Variants in GMDS observed in about 807,000 individuals in gnomAD.
The protein encoded by GMDS is GDP-mannose 4,6 dehydratase.
A neutral mutation model predicts 49.9 loss-of-function variants in GMDS; 20 were observed. The ratio of observed to expected loss-of-function variants is 0.40; its 90% CI spans 0.28 to 0.58. The LOEUF is 0.58. Ranked by LOEUF, GMDS falls within the 20% of genes least tolerant of loss-of-function variation. GMDS has a pLI of 0.42. For missense variants in GMDS, 362 were observed against 481.4 expected, an observed-to-expected ratio of 0.75 and a Z score of 2.32; for synonymous variants, 177 against 178.6, an observed-to-expected ratio of 0.99 and a Z score of 0.07.
At chr6:1,844,421 C>G (rs542406512) in intron 7 of GMDS, among the ~76,000 whole-genome samples, 1 of 152,196 alleles carries the variant, frequency 6.6e-6, no homozygotes, top group East Asian at 1.9e-4. Context: ...CTACCTCAAA[C>G]AGTTTTTACC....
intron 8 of GMDS, among the ~76,000 whole-genome samples, chr6:1,737,922 GATAC>G (rs377188711): frequency 2.4e-4 from 26 of 109,694 alleles, no homozygotes; most frequent in African/African-American, 6.2e-4. Flanking sequence ...ACCACACACA[GATAC>G]ATACACACCA....
intron 4 of GMDS, among the ~76,000 whole-genome samples, chr6:2,046,537 G>A (rs1420403970): frequency 2.0e-5 from 3 of 152,194 alleles, no homozygotes; most frequent in East Asian, 1.9e-4. Context: ...TTTGCTCACT[G>A]CAACCTTCAC....
intron 7 of GMDS, among the ~76,000 whole-genome samples, chr6:1,799,264 C>T (rs1769855534): frequency 6.6e-6 from 1 of 152,042 alleles, no homozygotes; most frequent in African/African-American, 2.4e-5. Flanking sequence ...CTTTTCCCCT[C>T]AATGTTCAGA....
chr6:2,155,880 C>T (rs1777089012), intron 1 of GMDS, among the ~76,000 whole-genome samples: 1 of 152,088 alleles, frequency 6.6e-6, no homozygotes, highest in Admixed American at 6.5e-5. Context: ...TAAATGAAAC[C>T]AGATACAACA....
At chr6:2,156,108 A>G (rs1258185474) in intron 1 of GMDS, among the ~76,000 whole-genome samples, 1 of 152,204 alleles carries the variant, frequency 6.6e-6, no homozygotes, top group African/African-American at 2.4e-5. Context: ...TGGATAATAT[A>G]GTGTTTTCTT....
At chr6:2,142,893 G>A (rs1776374266) in intron 1 of GMDS, among the ~76,000 whole-genome samples, 1 of 152,150 alleles carries the variant, frequency 6.6e-6, no homozygotes, top group Non-Finnish European at 1.5e-5. Flanking sequence ...TCCTGAGCTT[G>A]GCATAAGCTG....
chr6:1,917,566 C>T (rs1761467738), intron 7 of GMDS, among the ~76,000 whole-genome samples: 1 of 152,144 alleles, frequency 6.6e-6, no homozygotes, highest in Non-Finnish European at 1.5e-5. Flanking sequence ...TATTTTCAAA[C>T]TTGAAATTTG....
chr6:1,850,239 A>G (rs1293378250), intron 7 of GMDS, among the ~76,000 whole-genome samples: 3 of 152,210 alleles, frequency 2.0e-5, no homozygotes, highest in Non-Finnish European at 2.9e-5. Context: ...AGACTGTGTT[A>G]AAAGCAGGAT....
intron 9 of GMDS, among the ~76,000 whole-genome samples, chr6:1,667,196 C>T (rs2113268006): frequency 6.6e-6 from 1 of 152,314 alleles, no homozygotes; most frequent in Middle Eastern, 3.4e-3. Context: ...TCAGACCAAT[C>T]AAAGTCTACC....
chr6:1,742,083 A>G (rs11242719), intron 8 of GMDS, among the ~76,000 whole-genome samples: 64,508 of 151,072 alleles, frequency 0.43, 14,370 homozygotes, highest in East Asian at 0.65. Flanking sequence ...CACCACGCCC[A>G]GCTAATTTTT....
intron 1 of GMDS, among the ~76,000 whole-genome samples, chr6:2,216,654 G>C (rs1780347608): frequency 6.6e-6 from 1 of 152,210 alleles, no homozygotes; most frequent in African/African-American, 2.4e-5. Flanking sequence ...GAGCCCAGGA[G>C]TTCAATGCCA....
At chr6:2,128,229 C>T (rs771691689) in intron 1 of GMDS, among the ~76,000 whole-genome samples, 22 of 149,916 alleles carry the variant, frequency 1.5e-4, no homozygotes, top group Non-Finnish European at 2.8e-4. Flanking sequence ...GGCTGGAGTG[C>T]GATAGTGCAA....
In GMDS at chr6:1,645,575, A is replaced by G. The variant is rs141010153; in HGVS notation, c.988-21035T>C. 3.2e-4 allele frequency among the ~76,000 whole-genome samples: 48 copies of G among 150,032 alleles called. 1 individual carries two copies. The highest frequency in any genetic ancestry group is 6.4e-4 in the South Asian group (3 of 4,700). On this transcript the variant is annotated intron_variant, in intron 9 of 10. Transcript: ENST00000380815. ...TTGCCTCACTTGCTCTTTTCCTCCC[A>G]CTCTCCGGGTCCAACCTTGGCTTTA...
intron 7 of GMDS, among the ~76,000 whole-genome samples, chr6:1,745,896 G>A (rs1333878915): frequency 6.6e-6 from 1 of 152,174 alleles, no homozygotes; most frequent in Non-Finnish European, 1.5e-5. Context: ...GTTCTGGTGT[G>A]ATAATGGGTT....
chr6:1,696,921 G>A (rs1765365049), intron 9 of GMDS, among the ~76,000 whole-genome samples: 1 of 152,226 alleles, frequency 6.6e-6, no homozygotes, highest in Non-Finnish European at 1.5e-5. Flanking sequence ...TACCATCTGT[G>A]ACCCTGGGGT....
intron 4 of GMDS, among the ~76,000 whole-genome samples, chr6:2,091,904 G>GA (rs139940619): frequency 0.026 from 3,846 of 147,146 alleles, 149 homozygotes; most frequent in African/African-American, 0.09. Flanking sequence ...TCAGAAAAAG[G>GA]AAAAAAAAAA....
intron 9 of GMDS, among the ~76,000 whole-genome samples, chr6:1,629,320 G>T (rs1211898651): frequency 6.6e-6 from 1 of 152,150 alleles, no homozygotes; most frequent in Non-Finnish European, 1.5e-5. Flanking sequence ...TTCCCTTACT[G>T]CTGTCTATCC....
intron 4 of GMDS, among the ~76,000 whole-genome samples, chr6:1,984,382 T>A (rs1303898173): frequency 6.6e-5 from 10 of 151,992 alleles, no homozygotes; most frequent in Non-Finnish European, 1.3e-4. Context: ...GAACTTAAAA[T>A]AAAAGTTAGA....
chr6:2,187,179 T>C (rs1354487419), intron 1 of GMDS, among the ~76,000 whole-genome samples: 1 of 152,226 alleles, frequency 6.6e-6, no homozygotes, highest in Non-Finnish European at 1.5e-5. Context: ...GGCAGGAAGA[T>C]GTCTCAGGCT....
Sources: gnomAD v4.1 joint callset for allele counts (sites outside exome capture counted in the v4.1 genomes callset) on GRCh38, gnomAD v4.1.1 for gene constraint, MANE v1.5 for transcripts, NCBI Gene and HGNC (gene_info 2026-07-23, HGNC 2026-07-21) for gene names.